The following TCF7L2 variants were observed in gnomAD, a reference collection of about 807,000 sequenced individuals.
The protein encoded by TCF7L2 is transcription factor 7-like 2.
In TCF7L2, 23 loss-of-function variants were observed where a neutral mutation model predicts 77.9. The ratio of observed to expected loss-of-function variants is 0.30; its 90% CI spans 0.21 to 0.42. The LOEUF (loss-of-function observed/expected upper bound fraction) is 0.42. Ranked by LOEUF, TCF7L2 falls within the 10% of genes least tolerant of loss-of-function variation. The probability of loss-of-function intolerance (pLI) is 1.00; values close to 1 mark genes in which losing one functional copy is unlikely to be tolerated. For missense variants in TCF7L2, 654 were observed against 793.1 expected (o/e 0.82, Z 2.11); for synonymous variants, 413 against 340.2 (o/e 1.21, Z -2.36).
chr10:113,141,991 C>T (rs759645128), intron 6 of TCF7L2, among the ~76,000 whole-genome samples: 15 of 152,224 alleles, frequency 9.9e-5, no homozygotes, highest in African/African-American at 2.2e-4. Context: ...TGCTTTTCAA[C>T]GTCTTTTTGT....
In TCF7L2 at chr10:113,165,945, G is replaced by GTCGC; in HGVS notation, c.1786_1789dup (p.Val597AlafsTer13). Reference sequence around the variant, plus strand: ...TGGCCGGGACCCAGCCCCAGCCGCTGTCGCTCGTCACCAAGTCTTTAGAAT... The same window carrying GTCGC: ...TGGCCGGGACCCAGCCCCAGCCGCTGTCGCTCGCTCGTCACCAAGTCTTTAGAAT... On this transcript the variant is annotated frameshift_variant, in exon 14 of 14. Coordinates refer to ENST00000627217, the MANE Select transcript of TCF7L2 (RefSeq NM_001146274.2). LOFTEE classifies it high-confidence loss of function. 1 of 1,540,288 alleles carries GTCGC rather than the reference G, an allele frequency of 6.5e-7. No homozygotes were observed. Among genetic ancestry groups the GTCGC allele is most frequent in the Non-Finnish European group, 8.8e-7 (1 of 1,142,006 alleles).
At chr10:113,115,833 G>C (rs1334015793) in intron 5 of TCF7L2, among the ~76,000 whole-genome samples, 1 of 152,028 alleles carries the variant, frequency 6.6e-6, no homozygotes, top group Non-Finnish European at 1.5e-5. Context: ...ATGTGTGTGC[G>C]TGTGTCTCTG....
chr10:113,075,165 T>C (rs894754309), intron 5 of TCF7L2, among the ~76,000 whole-genome samples: 2 of 152,090 alleles, frequency 1.3e-5, no homozygotes, highest in Admixed American at 6.5e-5. Context: ...CTGAAAAGAA[T>C]ACTTTAAATG....
At chr10:113,067,326 G>A (rs1320282054) in intron 5 of TCF7L2, among the ~76,000 whole-genome samples, 2 of 152,308 alleles carry the variant, frequency 1.3e-5, no homozygotes, top group East Asian at 3.9e-4. Context: ...GAATTTTCTG[G>A]TAATACTCAA....
chr10:112,960,538 A>G (rs566784803), intron 3 of TCF7L2, among the ~76,000 whole-genome samples: 8 of 152,036 alleles, frequency 5.3e-5, no homozygotes, highest in Non-Finnish European at 1.0e-4. Context: ...CTCCCTGGGT[A>G]CTCCAGGCAG....
intron 5 of TCF7L2, chr10:113,130,081 C>G (rs2066335636): frequency 3.3e-6 from 3 of 908,184 alleles, no homozygotes; most frequent in African/African-American, 1.8e-5. Context: ...TGCTTTTTCC[C>G]CCCCCTTAAT....
chr10:112,971,412 G>A (rs1043416747), intron 4 of TCF7L2, among the ~76,000 whole-genome samples: 1 of 151,970 alleles, frequency 6.6e-6, no homozygotes, highest in African/African-American at 2.4e-5. Flanking sequence ...GGTTTCAAGC[G>A]ATTCCCGTGC....
At chr10:112,981,703 C>G (rs547629301) in intron 4 of TCF7L2, among the ~76,000 whole-genome samples, 1 of 152,334 alleles carries the variant, frequency 6.6e-6, no homozygotes, top group East Asian at 1.9e-4. Flanking sequence ...ATGCCACATG[C>G]AAAGCAGATA....
At chr10:113,088,540 C>T (rs142440694) in intron 5 of TCF7L2, among the ~76,000 whole-genome samples, 27 of 152,266 alleles carry the variant, frequency 1.8e-4, no homozygotes, top group Middle Eastern at 3.4e-3. Flanking sequence ...TTCAAATTAA[C>T]GCATATTTCT....
intron 5 of TCF7L2, among the ~76,000 whole-genome samples, chr10:113,059,704 A>G (rs1355127967): frequency 6.6e-6 from 1 of 152,184 alleles, no homozygotes; most frequent in East Asian, 1.9e-4. Context: ...TTTGGTTTTC[A>G]AGGCAGCAGG....
chr10:113,104,827 G>C (rs764249017), intron 5 of TCF7L2, among the ~76,000 whole-genome samples: 6 of 152,144 alleles, frequency 3.9e-5, no homozygotes, highest in Non-Finnish European at 8.8e-5. Context: ...GTCTAAGGCA[G>C]ACAAGACAGT....
chr10:113,069,845 A>G (rs2057726741), intron 5 of TCF7L2, among the ~76,000 whole-genome samples: 1 of 152,152 alleles, frequency 6.6e-6, no homozygotes, highest in African/African-American at 2.4e-5. Context: ...AAAACCAGAT[A>G]TTCAAGAATA....
At chr10:112,961,341 C>T (rs2035168156) in intron 3 of TCF7L2, among the ~76,000 whole-genome samples, 1 of 148,492 alleles carries the variant, frequency 6.7e-6, no homozygotes, top group Non-Finnish European at 1.5e-5. Context: ...TTTTTAAACT[C>T]AGATGTGCCT....
intron 4 of TCF7L2, among the ~76,000 whole-genome samples, chr10:113,000,451 T>C (rs1564767035): frequency 2.6e-5 from 4 of 152,146 alleles, no homozygotes; most frequent in African/African-American, 9.7e-5. Flanking sequence ...GAGTGGGTCA[T>C]AGTATGGCCG....
chr10:113,131,823 T>C (rs1382640637), intron 5 of TCF7L2, among the ~76,000 whole-genome samples: 1 of 152,198 alleles, frequency 6.6e-6, no homozygotes, highest in Non-Finnish European at 1.5e-5. Context: ...TGTGATGAAA[T>C]CCTGACATGC....
At chr10:112,978,343 G>T (rs1223947661) in intron 4 of TCF7L2, among the ~76,000 whole-genome samples, 1 of 152,168 alleles carries the variant, frequency 6.6e-6, no homozygotes, top group African/African-American at 2.4e-5. Flanking sequence ...CATTGAACTT[G>T]AGAGGCAGTT....
chr10:113,072,829 C>A (rs1027915505), intron 5 of TCF7L2, among the ~76,000 whole-genome samples: 2 of 152,148 alleles, frequency 1.3e-5, no homozygotes, highest in Admixed American at 1.3e-4. Flanking sequence ...TGTTTCTTGC[C>A]TGCCTTTTGG....
At chr10:112,961,441 G>C (rs1278904960) in intron 3 of TCF7L2, among the ~76,000 whole-genome samples, 1 of 152,130 alleles carries the variant, frequency 6.6e-6, no homozygotes, top group Non-Finnish European at 1.5e-5. Flanking sequence ...TCTAGCTTCT[G>C]GAGAGAGAAA....
At chr10:113,032,522 A>G (rs1314074486) in intron 4 of TCF7L2, among the ~76,000 whole-genome samples, 3 of 152,202 alleles carry the variant, frequency 2.0e-5, no homozygotes, top group African/African-American at 7.2e-5. Context: ...AGTCTTGCTT[A>G]TTACTTTGGG....
Sources: allele counts gnomAD v4.1 joint callset (sites outside exome capture counted in the v4.1 genomes callset), GRCh38; gene constraint gnomAD v4.1.1; transcripts MANE v1.5; gene names NCBI Gene and HGNC (gene_info 2026-07-23, HGNC 2026-07-21).